Variants in EFHD2 observed in about 807,000 individuals in gnomAD.
EFHD2 encodes the protein EF-hand domain-containing protein D2.
In EFHD2, 12 loss-of-function variants were observed where a neutral mutation model predicts 20.3. That is an observed-to-expected ratio of 0.59 (90% CI 0.38 to 0.96). The LOEUF is 0.96. Among genes scored for constraint, EFHD2 ranks in the 40% least tolerant of loss-of-function variants. The probability of loss-of-function intolerance (pLI) is 0.00; values close to 1 mark genes in which losing one functional copy is unlikely to be tolerated. For synonymous variants in EFHD2, 131 were observed against 143.9 expected, an observed-to-expected ratio of 0.91 and a Z score of 0.64; for missense variants, 250 against 334.3, an observed-to-expected ratio of 0.75 and a Z score of 1.97.
intron 1 of EFHD2, among the ~76,000 whole-genome samples, chr1:15,422,734 A>G (rs1707813577): frequency 6.6e-6 from 1 of 151,994 alleles, no homozygotes; most frequent in South Asian, 2.1e-4. Flanking sequence ...GGTGGCGGGC[A>G]CCTGTAGTCG....
intron 1 of EFHD2, 101 bp downstream of exon 1, chr1:15,410,380 G>A: frequency 7.3e-7 from 1 of 1,377,766 alleles, no homozygotes; most frequent in East Asian, 3.1e-5. Flanking sequence ...GGAGCCTGCC[G>A]TCAGCCAAGC....
At chr1:15,427,739 G>C (rs1310729785) in intron 3 of EFHD2, among the ~76,000 whole-genome samples, 1 of 152,232 alleles carries the variant, frequency 6.6e-6, no homozygotes. Flanking sequence ...AGATGGAGGA[G>C]ACACCTGTGA....
chr1:15,417,981 C>CTTTTTTT (rs57589251), intron 1 of EFHD2, among the ~76,000 whole-genome samples: 20 of 97,088 alleles, frequency 2.1e-4, no homozygotes, highest in South Asian at 7.5e-4. Context: ...CTTTCTTTTT[C>CTTTTTTT]TTTTTTTTTT....
In EFHD2 at chr1:15,417,667, C is replaced by T. The variant is rs542425785; in HGVS notation, c.308+7388C>T. On this transcript the variant is annotated intron_variant, in intron 1 of 3. Coordinates refer to ENST00000375980, the MANE Select transcript of EFHD2 (RefSeq NM_024329.6). ...AGATAGGACTAGAGGAAGTGGTGAG[C>T]GCTGGGCTTTCCCTATATGAGTCAG... Among the ~76,000 whole-genome samples, 12 of 152,318 alleles carry T rather than the reference C, an allele frequency of 7.9e-5. No individual in the cohort carries two copies. The South Asian group carries it at 8.3e-4, about 11-fold the overall frequency.
intron 1 of EFHD2, among the ~76,000 whole-genome samples, chr1:15,419,927 C>A (rs1707759931): frequency 6.6e-6 from 1 of 152,230 alleles, no homozygotes; most frequent in Non-Finnish European, 1.5e-5. Context: ...TCTCCCTGTT[C>A]AAGGGCTCTG....
At chr1:15,419,235 A>AGG (rs1377453477) in intron 1 of EFHD2, among the ~76,000 whole-genome samples, 2 of 152,128 alleles carry the variant, frequency 1.3e-5, no homozygotes, top group Non-Finnish European at 2.9e-5. Flanking sequence ...CGCTTTCGAG[A>AGG]GGGGGATGGA....
chr1:15,415,779 C>T (rs911363494), intron 1 of EFHD2, among the ~76,000 whole-genome samples: 3 of 152,190 alleles, frequency 2.0e-5, no homozygotes, highest in South Asian at 2.1e-4. Flanking sequence ...CGAGAGCCAC[C>T]GCTCCCAGCC....
At chr1:15,416,744 C>T (rs926064976) in intron 1 of EFHD2, among the ~76,000 whole-genome samples, 1 of 150,992 alleles carries the variant, frequency 6.6e-6, no homozygotes, top group Admixed American at 6.6e-5. Flanking sequence ...CCAGCAGCTT[C>T]ACCGCCCGGG....
chr1:15,429,014 G>A lies in EFHD2; in HGVS notation c.*290G>A, dbSNP rs911572095. On this transcript the variant is annotated 3_prime_UTR_variant, in exon 4 of 4. Coordinates refer to ENST00000375980, the MANE Select transcript of EFHD2 (RefSeq NM_024329.6). ...CCCTAACTGCCCCCTGCCTGCTCCG[G>A]CACTGCCCCAGGCCCAGCTCCTGGC... 15 of 394,460 alleles carry A rather than the reference G, an allele frequency of 3.8e-5. No homozygotes were observed. The East Asian group carries it at 8.2e-4, about 21-fold the overall frequency. The allele number at this position is 394,460 out of a possible 1,614,324, so 24.4% of individuals were successfully genotyped here. A position where few individuals can be genotyped will look rare whatever the true frequency, so the allele number is the denominator to read the frequency against.
Position 15,430,017 on chromosome 1 carries a change from A to G in EFHD2, c.*1293A>G, listed in dbSNP as rs1002491580. 3.9e-5 allele frequency: 6 copies of G among 152,628 alleles called. No homozygotes were observed. Among genetic ancestry groups the G allele is most frequent in the Non-Finnish European group, 8.8e-5 (6 of 68,044 alleles). 9.5% of individuals were successfully genotyped at this position (152,628 alleles called of 1,614,324 possible). ...ACGACGTCACTGCTTTTTAAACTCG[A>G]TAACTCTTTATTTTAGTAAAATGCC... On this transcript the variant is annotated 3_prime_UTR_variant, in exon 4 of 4. Coordinates refer to ENST00000375980, the MANE Select transcript of EFHD2 (RefSeq NM_024329.6).
chr1:15,415,475 ACTGT>A (rs1707646659), intron 1 of EFHD2, among the ~76,000 whole-genome samples: 1 of 149,394 alleles, frequency 6.7e-6, no homozygotes. Context: ...TGAGATTGAT[ACTGT>A]CTTTGTTTTC....
At chr1:15,424,183 G>GAA (rs796607296) in intron 1 of EFHD2, among the ~76,000 whole-genome samples, 1 of 112,110 alleles carries the variant, frequency 8.9e-6, no homozygotes, top group Non-Finnish European at 1.9e-5. Flanking sequence ...GTCTCAAAAA[G>GAA]AAAAAAAAAA....
intron 1 of EFHD2, among the ~76,000 whole-genome samples, chr1:15,415,067 G>A (rs545782267): frequency 6.6e-6 from 1 of 152,312 alleles, no homozygotes; most frequent in Non-Finnish European, 1.5e-5. Context: ...TGTCTGGGCT[G>A]TTTGCATGAT....
At chr1:15,421,440 T>G (rs1707790208) in intron 1 of EFHD2, among the ~76,000 whole-genome samples, 1 of 152,096 alleles carries the variant, frequency 6.6e-6, no homozygotes, top group South Asian at 2.1e-4. Flanking sequence ...CTCCTCTTGG[T>G]GATGGACTCT....
intron 1 of EFHD2, among the ~76,000 whole-genome samples, chr1:15,421,208 G>A (rs149912213): frequency 1.4e-4 from 22 of 152,308 alleles, no homozygotes; most frequent in Non-Finnish European, 2.8e-4. Flanking sequence ...TTTGGACCCA[G>A]GTCAGTCTCA....
chr1:15,428,891 C>T lies in EFHD2; in HGVS notation c.*167C>T. On this transcript the variant is annotated 3_prime_UTR_variant, in exon 4 of 4. Coordinates refer to ENST00000375980, the MANE Select transcript of EFHD2 (RefSeq NM_024329.6). The stretch of plus-strand genomic sequence containing the variant: ...AGGGGTCTTATGGAGGTGGCCCGGC[C>T]CCTCCCCGCTCCCTTCCACTCTGCA... The T allele has an allele frequency of 9.7e-7, 1 of 1,034,294 alleles. No homozygotes were observed. The highest frequency in any genetic ancestry group is 1.4e-6 in the Non-Finnish European group (1 of 719,248). 64.1% of individuals were successfully genotyped at this position (1,034,294 alleles called of 1,614,324 possible).
At chr1:15,422,966 G>A (rs1707818914) in intron 1 of EFHD2, among the ~76,000 whole-genome samples, 1 of 152,138 alleles carries the variant, frequency 6.6e-6, no homozygotes. Flanking sequence ...CCCAGGGTCA[G>A]AAAGCGGCAG....
chr1:15,421,609 C>G (rs980290703), intron 1 of EFHD2, among the ~76,000 whole-genome samples: 1 of 152,204 alleles, frequency 6.6e-6, no homozygotes, highest in African/African-American at 2.4e-5. Flanking sequence ...CTGCCAAAGA[C>G]AGAGGGATCC....
intron 1 of EFHD2, among the ~76,000 whole-genome samples, chr1:15,412,735 G>A (rs974949624): frequency 2.6e-5 from 4 of 152,216 alleles, no homozygotes; most frequent in Admixed American, 2.0e-4. Flanking sequence ...GGAGGCTGCA[G>A]TGTGGTTGGA....
Sources: allele counts gnomAD v4.1 joint callset (sites outside exome capture counted in the v4.1 genomes callset), GRCh38; gene constraint gnomAD v4.1.1; transcripts MANE v1.5; gene names NCBI Gene and HGNC (gene_info 2026-07-23, HGNC 2026-07-21).